The following ADGRD1 variants were observed in gnomAD, a reference collection of about 807,000 sequenced individuals.
ADGRD1 encodes the protein G-protein coupled receptor 133.
Under a neutral mutation model 113.4 loss-of-function variants are expected in ADGRD1, and 77 were observed. The observed-to-expected ratio is 0.68, with a 90% CI of 0.57 to 0.82. The LOEUF (loss-of-function observed/expected upper bound fraction) is 0.82. Ranked by LOEUF, ADGRD1 falls within the 40% of genes least tolerant of loss-of-function variation. The pLI is 0.00. For missense variants in ADGRD1, 1,036 were observed against 1,139.1 expected (o/e 0.91, Z 1.30); for synonymous variants, 474 against 475.0 (o/e 1.00, Z 0.03).
At position 131,032,146 on chromosome 12, in the gene ADGRD1, C is replaced by T. The variant is rs143146806; in HGVS notation, c.1473+17806C>T. On this transcript the variant is annotated intron_variant, in intron 13 of 24. Transcript: ENST00000261654. ...AGGCACCAGCTCCAACCCTGTCCCC[C>T]GCAAGGGGCACACAGGGCTCCCCCA... 1.8e-3 allele frequency among the ~76,000 whole-genome samples: 270 copies of T among 151,112 alleles called. 1 individual carries two copies. Among genetic ancestry groups the T allele is most frequent in the Middle Eastern group, 6.8e-3 (2 of 292 alleles).
At chr12:131,101,604 T>C (rs564070149) in intron 15 of ADGRD1, among the ~76,000 whole-genome samples, 1 of 152,120 alleles carries the variant, frequency 6.6e-6, no homozygotes, top group South Asian at 2.1e-4. Flanking sequence ...GCCAGACTGG[T>C]CTCAAACTCC....
At chr12:130,955,215 T>G (rs11615727) in intron 2 of ADGRD1, among the ~76,000 whole-genome samples, 26,895 of 149,916 alleles carry the variant, frequency 0.18, 2,625 homozygotes, top group Non-Finnish European at 0.21. Context: ...TCCGCCCGCC[T>G]TGGCCTCCCA....
At position 130,960,661 on chromosome 12, in the gene ADGRD1, T is replaced by A. The variant is rs528112581; in HGVS notation, c.104-5802T>A. ...GATTTCAAATGCAAAAATCTCTCTC[T>A]CACACACACACACACATACACACAC... On this transcript the variant is annotated intron_variant, in intron 2 of 24. Coordinates refer to ENST00000261654, the MANE Select transcript of ADGRD1 (RefSeq NM_198827.5). 6.5e-4 allele frequency among the ~76,000 whole-genome samples: 99 copies of A among 151,684 alleles called. 1 individual carries two copies. The South Asian group carries it at 0.013, about 20-fold the overall frequency.
At chr12:131,100,785 T>G (rs921090971) in intron 15 of ADGRD1, among the ~76,000 whole-genome samples, 1 of 152,212 alleles carries the variant, frequency 6.6e-6, no homozygotes, top group African/African-American at 2.4e-5. Flanking sequence ...GCTGACCAAC[T>G]GCAGCCCAGT....
chr12:131,046,647 T>C lies in ADGRD1; in HGVS notation c.1474-30154T>C, dbSNP rs1431505348. ...GGGCAGTGTCCTCCCTGGTCAGTGC[T>C]CCCTCCCTGGTCAGTGTCCTCCCTG... On this transcript the variant is annotated intron_variant, in intron 13 of 24. Coordinates refer to ENST00000261654, the MANE Select transcript of ADGRD1 (RefSeq NM_198827.5). Among the ~76,000 whole-genome samples, 118 of 111,262 alleles carry C rather than the reference T, an allele frequency of 1.1e-3. 2 individuals are homozygous for C. The highest frequency in any genetic ancestry group is 4.3e-3 in the African/African-American group (109 of 25,422). The allele number at this position is 111,262 out of a possible 152,430, so 73.0% of individuals were successfully genotyped here.
intron 12 of ADGRD1, among the ~76,000 whole-genome samples, chr12:131,006,915 C>T (rs2136760449): frequency 6.6e-6 from 1 of 152,306 alleles, no homozygotes; most frequent in Admixed American, 6.5e-5. Flanking sequence ...AAAATGCAAT[C>T]TATTTTCCTC....
Position 131,057,078 on chromosome 12 carries a change from C to T in ADGRD1, c.1474-19723C>T, listed in dbSNP as rs531408058. 6.6e-6 allele frequency among the ~76,000 whole-genome samples: 1 copy of T among 152,188 alleles called. No individual in the cohort carries two copies. Among genetic ancestry groups the T allele is most frequent in the East Asian group, 1.9e-4 (1 of 5,186 alleles). On this transcript the variant is annotated intron_variant, in intron 13 of 24. Coordinates refer to ENST00000261654, the MANE Select transcript of ADGRD1 (RefSeq NM_198827.5). The surrounding 1 kb of genome is among the most constrained non-coding windows in gnomAD (Gnocchi z 4.2). ...GCATTGTCCACAATGATTAGAGTAA[C>T]GGGATAAAATTTAGAGAGATGATTT...
Position 131,001,099 on chromosome 12 carries a change from C to G in ADGRD1, c.1026+657C>G, listed in dbSNP as rs370005979. On this transcript the variant is annotated intron_variant, in intron 9 of 24. Coordinates refer to ENST00000261654, the MANE Select transcript of ADGRD1 (RefSeq NM_198827.5). The stretch of plus-strand genomic sequence containing the variant: ...GTAATATGTATTTTTTTTTTCTTTA[C>G]CATCCCATCATTCTTGAATGACAAT... Among the ~76,000 whole-genome samples the G allele has an allele frequency of 9.9e-5, 15 of 151,896 alleles. 1 individual carries two copies. The East Asian group carries it at 2.5e-3, about 25-fold the overall frequency.
chr12:131,031,254 C>T lies in ADGRD1; in HGVS notation c.1473+16914C>T, dbSNP rs911865966. Among the ~76,000 whole-genome samples the T allele has an allele frequency of 5.3e-5, 8 of 152,322 alleles. No individual in the cohort carries two copies. In the South Asian group the frequency reaches 1.0e-3, roughly 20 times the overall value. Reference sequence around the variant, plus strand: ...GGGCTCTGACAGCGGAGCCCACTCACGTCTGGGGCAGCCTTGGGTACTGCG... The same window carrying T: ...GGGCTCTGACAGCGGAGCCCACTCATGTCTGGGGCAGCCTTGGGTACTGCG... On this transcript the variant is annotated intron_variant, in intron 13 of 24. Coordinates refer to ENST00000261654, the MANE Select transcript of ADGRD1 (RefSeq NM_198827.5).
chr12:131,004,022 C>CG (rs1876751644), intron 10 of ADGRD1, among the ~76,000 whole-genome samples, 164 bp from the exon 11 acceptor site: 4 of 139,578 alleles, frequency 2.9e-5, no homozygotes, highest in Non-Finnish European at 6.3e-5. Flanking sequence ...ATTGCTTTAC[C>CG]CTTTTTTTTT....
At chr12:131,016,975 C>T (rs1878642061) in intron 13 of ADGRD1, among the ~76,000 whole-genome samples, 1 of 151,838 alleles carries the variant, frequency 6.6e-6, no homozygotes, top group Non-Finnish European at 1.5e-5. Context: ...TGAAGTTGTC[C>T]TTGTGAGTGA....
chr12:131,130,857 C>T (rs946007192), intron 20 of ADGRD1, among the ~76,000 whole-genome samples: 5 of 152,134 alleles, frequency 3.3e-5, no homozygotes, highest in Non-Finnish European at 7.3e-5. Context: ...CCCAGGCTGG[C>T]GTGGGGACAG....
intron 13 of ADGRD1, among the ~76,000 whole-genome samples, chr12:131,056,479 A>G (rs944684742): frequency 6.6e-6 from 1 of 152,230 alleles, no homozygotes; most frequent in Non-Finnish European, 1.5e-5. Context: ...TCTGGGAAAC[A>G]TGGAGCCCAT....
intron 22 of ADGRD1, 63 bp from the exon 23 acceptor site, chr12:131,136,910 C>G: frequency 2.3e-6 from 3 of 1,303,594 alleles, no homozygotes; most frequent in Non-Finnish European, 3.3e-6. Context: ...TGGGAGGAAC[C>G]TCCAGTGTTC....
chr12:131,045,490 C>T (rs983030367), intron 13 of ADGRD1, among the ~76,000 whole-genome samples: 4 of 142,256 alleles, frequency 2.8e-5, no homozygotes, highest in Non-Finnish European at 3.0e-5. Context: ...TGCGGCAGGG[C>T]AGTGCTGTAC....
rs778501649 is a variant in ADGRD1 at position 131,003,218 on chromosome 12, A to G, written c.1060A>G (p.Ile354Val). The change falls in exon 10 of 25, where the codon ATT becomes GTT. Residue 354 changes from isoleucine (I) to valine (V), a missense_variant. Coordinates refer to ENST00000261654, the MANE Select transcript of ADGRD1 (RefSeq NM_198827.5). This position sits in a 1 kb window ranked among gnomAD's most constrained non-coding sequence, Gnocchi z 4.8. ...SAVVLSLIDT[I>V]DTVMGHVSSN... ...CGTGGTACTGAGTCTCATCGACACT[A>G]TTGACACCGTCATGGGCCATGTATC... 4.3e-5 allele frequency: 69 copies of G among 1,613,902 alleles called. No homozygotes were observed. Among genetic ancestry groups the G allele is most frequent in the Non-Finnish European group, 5.6e-5 (66 of 1,179,994 alleles).
intron 21 of ADGRD1, among the ~76,000 whole-genome samples, 177 bp downstream of exon 21, chr12:131,131,993 G>A (rs925260263): frequency 8.5e-5 from 13 of 152,292 alleles, no homozygotes; most frequent in South Asian, 4.1e-4. Flanking sequence ...CTTGGCTCTC[G>A]TGACCCAGGA....
intron 4 of ADGRD1, among the ~76,000 whole-genome samples, chr12:130,974,368 A>G (rs531314436): frequency 6.6e-6 from 1 of 152,322 alleles, no homozygotes; most frequent in Non-Finnish European, 1.5e-5. Context: ...GAGTTTTCAC[A>G]TATATTATTT....
intron 13 of ADGRD1, among the ~76,000 whole-genome samples, chr12:131,068,436 C>T (rs1439209997): frequency 3.3e-5 from 5 of 152,088 alleles, no homozygotes; most frequent in East Asian, 3.9e-4. Context: ...GGAGGGAAGG[C>T]GTGGAGTGGG....
Sources: gnomAD v4.1 joint callset for allele counts (sites outside exome capture counted in the v4.1 genomes callset) on GRCh38, gnomAD v4.1.1 for gene constraint, Gnocchi (gnomAD v3.1) non-coding constraint, MANE v1.5 for transcripts, NCBI Gene and HGNC (gene_info 2026-07-23, HGNC 2026-07-21) for gene names.